Variants in VWA5B1 observed in about 807,000 individuals in gnomAD.
VWA5B1 encodes von Willebrand factor A domain containing 5B1, also known as von Willebrand factor A domain-containing protein 5B1.
VWA5B1 carries 115 observed loss-of-function variants against 118.2 expected under a neutral mutation model. The ratio of observed to expected loss-of-function variants is 0.97; its 90% CI spans 0.84 to 1.14. The LOEUF is 1.14. Ranked by LOEUF, VWA5B1 falls within the 50% of genes most tolerant of loss-of-function variation. The pLI is 0.00. For missense variants in VWA5B1, 1,596 were observed against 1,603.8 expected (o/e 1.00, Z 0.08); for synonymous variants, 682 against 658.4 (o/e 1.04, Z -0.55).
At chr1:20,352,740 A>G (rs2090154097) in intron 21 of VWA5B1, among the ~76,000 whole-genome samples, 2 of 152,236 alleles carry the variant, frequency 1.3e-5, no homozygotes, top group Admixed American at 6.5e-5. Context: ...GGAGGAGCAC[A>G]GTTTGAGCAT....
intron 9 of VWA5B1, among the ~76,000 whole-genome samples, chr1:20,328,646 G>A (rs982653603): frequency 2.6e-5 from 4 of 152,176 alleles, no homozygotes; most frequent in African/African-American, 7.2e-5. Context: ...TGTTGCATGC[G>A]CTTGTAATCT....
Position 20,354,532 on chromosome 1 carries a change from C to G in VWA5B1, c.*269C>G. 2.0e-6 allele frequency: 1 copy of G among 492,466 alleles called. No individual in the cohort carries two copies. Among genetic ancestry groups the G allele is most frequent in the South Asian group, 2.3e-5 (1 of 43,406 alleles). 30.5% of individuals were successfully genotyped at this position (492,466 alleles called of 1,614,324 possible). A position where few individuals can be genotyped will look rare whatever the true frequency, so the allele number is the denominator to read the frequency against. ...GCGAGATGAAGGAGGTGGAGTGGAT[C>G]TCAAATGGTTCAGTGGTTCCTTTCT... On this transcript the variant is annotated 3_prime_UTR_variant, in exon 22 of 22. Transcript: ENST00000289815.
Position 20,354,504 on chromosome 1 carries a change from A to G in VWA5B1, c.*241A>G. On this transcript the variant is annotated 3_prime_UTR_variant, in exon 22 of 22. Transcript: ENST00000289815. ...TCAGTTTCCTCATCTATAAAATAAG[A>G]GGGCGAGATGAAGGAGGTGGAGTGG... 1.8e-6 allele frequency: 1 copy of G among 552,606 alleles called. No individual in the cohort carries two copies. The highest frequency in any genetic ancestry group is 3.2e-6 in the Non-Finnish European group (1 of 313,968). 34.2% of individuals were successfully genotyped at this position (552,606 alleles called of 1,614,324 possible).
chr1:20,292,024 A>G (rs974010142), intron 1 of VWA5B1, among the ~76,000 whole-genome samples: 1 of 151,938 alleles, frequency 6.6e-6, no homozygotes, highest in Non-Finnish European at 1.5e-5. Context: ...GCGTCACACC[A>G]TCCTGCCTCT....
intron 14 of VWA5B1, 29 bp downstream of exon 14, chr1:20,337,865 G>A (rs1325737010): frequency 1.3e-6 from 2 of 1,551,076 alleles, no homozygotes; most frequent in South Asian, 1.2e-5. Flanking sequence ...TTAGGGAGGA[G>A]CTGGGGAAGG....
intron 12 of VWA5B1, among the ~76,000 whole-genome samples, chr1:20,333,806 T>C (rs2089639939): frequency 6.6e-6 from 1 of 152,248 alleles, no homozygotes; most frequent in African/African-American, 2.4e-5. Context: ...TTTCCTCACC[T>C]ATCTTTCCTC....
At position 20,319,482 on chromosome 1, in the gene VWA5B1, G is replaced by A; in HGVS notation, c.942G>A (p.Lys314=). Residue 314 remains lysine, a synonymous_variant, in exon 7 of 22, where the codon AAG becomes AAA. Coordinates refer to ENST00000289815, the MANE Select transcript of VWA5B1 (RefSeq NM_001039500.3). ...KGRTDFIKGM[K]KKSRAERKTE... ...GAACAGATTTCATTAAAGGGATGAA[G>A]AAGAAGAGCAGAGCAGAGCGGAAGG... is the stretch of plus-strand genomic sequence containing the variant. 6.4e-7 allele frequency: 1 copy of A among 1,551,766 alleles called. No homozygotes were observed. The highest frequency in any genetic ancestry group is 8.7e-7 in the Non-Finnish European group (1 of 1,147,004).
At chr1:20,331,939 T>A (rs2089566604) in intron 11 of VWA5B1, among the ~76,000 whole-genome samples, 2 of 152,146 alleles carry the variant, frequency 1.3e-5, no homozygotes, top group Admixed American at 1.3e-4. Context: ...TGACCACAGC[T>A]GTCATTTACT....
chr1:20,317,620 C>T lies in VWA5B1; in HGVS notation c.654C>T (p.Pro218=). ...TCCTGAACACCGAAGTGTCCAACCC[C>T]ATGGAGTATGAGTTCAACTTCCAGC... ...ATLLNTEVSN[P]MEYEFNFQLE... Residue 218 remains proline, a synonymous_variant, in exon 5 of 22, where the codon CCC becomes CCT. Transcript: ENST00000289815. 1 of 1,551,872 alleles carries T rather than the reference C, an allele frequency of 6.4e-7. No homozygotes were observed. Among genetic ancestry groups the T allele is most frequent in the Non-Finnish European group, 8.7e-7 (1 of 1,147,010 alleles).
rs148515362 is a variant in VWA5B1 at position 20,353,144 on chromosome 1, G to A, written c.3142-613G>A. Among the ~76,000 whole-genome samples, 538 of 152,338 alleles carry A rather than the reference G, an allele frequency of 3.5e-3. 3 individuals carry two copies. The highest frequency in any genetic ancestry group is 0.012 in the African/African-American group (499 of 41,578). ...GGAGATATGGCCAAAGGCCTCCAGAGGAGAGACAGAGCTTGGCAGCTGGGG... is the reference window on the plus strand; with the variant it reads ...GGAGATATGGCCAAAGGCCTCCAGAAGAGAGACAGAGCTTGGCAGCTGGGG... On this transcript the variant is annotated intron_variant, in intron 21 of 21. Transcript: ENST00000289815.
chr1:20,317,259 C>T (rs921888222), intron 4 of VWA5B1, among the ~76,000 whole-genome samples: 2 of 152,098 alleles, frequency 1.3e-5, no homozygotes, highest in African/African-American at 4.8e-5. Flanking sequence ...TGAAATCTTC[C>T]TCCCAGAGCT....
At chr1:20,346,560 C>T (rs569258979) in intron 17 of VWA5B1, among the ~76,000 whole-genome samples, 6 of 152,254 alleles carry the variant, frequency 3.9e-5, no homozygotes, top group African/African-American at 1.2e-4. Flanking sequence ...AAGGGGATGC[C>T]CATTTAAAAT....
chr1:20,299,648 C>T lies in VWA5B1; in HGVS notation c.-27+8560C>T, dbSNP rs186566279. 1.7e-3 allele frequency among the ~76,000 whole-genome samples: 255 copies of T among 152,334 alleles called. 5 individuals carry two copies. The highest frequency in any genetic ancestry group is 0.015 in the Admixed American group (236 of 15,298). On this transcript the variant is annotated intron_variant, in intron 1 of 21. Coordinates refer to ENST00000289815, the MANE Select transcript of VWA5B1 (RefSeq NM_001039500.3). ...CAAACTCCTGAACTTAAGCGATCCA[C>T]GCACCTCAGCCTCCCAGAGTGCTGG...
intron 4 of VWA5B1, among the ~76,000 whole-genome samples, chr1:20,315,167 G>A (rs376789312): frequency 7.3e-4 from 111 of 152,332 alleles, no homozygotes; most frequent in African/African-American, 2.3e-3. Flanking sequence ...AGAACTGAAC[G>A]ATGCGGAGGA....
rs1489524437 is a variant in VWA5B1, at chr1:20,354,273, G to T, written c.*10G>T. ...CCCGAATTATGTGTAGTTGAGTGAC[G>T]GGGAGGCTGGGTGGAGGGAAGGGTG... On this transcript the variant is annotated 3_prime_UTR_variant, in exon 22 of 22. Coordinates refer to ENST00000289815, the MANE Select transcript of VWA5B1 (RefSeq NM_001039500.3). The T allele has an allele frequency of 1.3e-6, 2 of 1,520,932 alleles. No homozygotes were observed. Among genetic ancestry groups the T allele is most frequent in the African/African-American group, 1.4e-5 (1 of 72,808 alleles). The allele number at this position is 1,520,932 out of a possible 1,614,324, so 94.2% of individuals were successfully genotyped here.
At chr1:20,339,401 G>A (rs1002579995) in intron 14 of VWA5B1, among the ~76,000 whole-genome samples, 7 of 152,224 alleles carry the variant, frequency 4.6e-5, no homozygotes, top group African/African-American at 1.7e-4. Context: ...AATTAGCCGG[G>A]TGTGGTGGCA....
At chr1:20,343,443 G>A in intron 16 of VWA5B1, 50 bp downstream of exon 16, 1 of 1,463,926 alleles carries the variant, frequency 6.8e-7, no homozygotes, top group South Asian at 1.4e-5. Flanking sequence ...CCGGAGGACA[G>A]CCCCGCTCCA....
chr1:20,354,047 G>A lies in VWA5B1; in HGVS notation c.3432G>A (p.Val1144=). 6.4e-7 allele frequency: 1 copy of A among 1,551,686 alleles called. No homozygotes were observed. The highest frequency in any genetic ancestry group is 8.7e-7 in the Non-Finnish European group (1 of 1,147,010). Residue 1144 remains valine (V), a synonymous_variant, in exon 22 of 22, where the codon GTG becomes GTA. Coordinates refer to ENST00000289815, the MANE Select transcript of VWA5B1 (RefSeq NM_001039500.3). The part of the protein sequence containing the change: ...EHTGKLWATV[V]GLAWLEHSSA... ...CTGGGAAGCTGTGGGCCACGGTGGT[G>A]GGGCTGGCATGGCTGGAGCACAGTT...
chr1:20,297,996 A>ATTTTTTTTTTTT (rs60497976), intron 1 of VWA5B1, among the ~76,000 whole-genome samples: 272 of 126,600 alleles, frequency 2.1e-3, no homozygotes, highest in East Asian at 3.6e-3. Flanking sequence ...TCGGTGGTGG[A>ATTTTTTTTTTTT]TTTTTTTTTT....
Sources: allele counts gnomAD v4.1 joint callset (sites outside exome capture counted in the v4.1 genomes callset), GRCh38; gene constraint gnomAD v4.1.1; transcripts MANE v1.5; gene names NCBI Gene and HGNC (gene_info 2026-07-23, HGNC 2026-07-21).